Variants in GRM7 observed in about 807,000 individuals in gnomAD.
The protein encoded by GRM7 is metabotropic glutamate receptor 7.
Under a neutral mutation model 84.5 loss-of-function variants are expected in GRM7, and 35 were observed. That is an observed-to-expected ratio of 0.41 (90% CI 0.32 to 0.55). The LOEUF is 0.55. GRM7 is among the 20% of genes least tolerant of loss of function. GRM7 has a pLI of 0.19. For synonymous variants in GRM7, 487 were observed against 455.1 expected, an observed-to-expected ratio of 1.07 and a Z score of -0.89; for missense variants, 1,003 against 1,194.6, an observed-to-expected ratio of 0.84 and a Z score of 2.36.
chr3:7,038,146 A>G (rs1403453781), intron 1 of GRM7, among the ~76,000 whole-genome samples: 1 of 152,204 alleles, frequency 6.6e-6, no homozygotes, highest in African/African-American at 2.4e-5. Flanking sequence ...CTCCAACCTC[A>G]GCGACAAAGC....
chr3:7,278,848 A>G (rs1269364350), intron 2 of GRM7, among the ~76,000 whole-genome samples: 1 of 152,218 alleles, frequency 6.6e-6, no homozygotes, highest in Non-Finnish European at 1.5e-5. Flanking sequence ...AAACTAAGTA[A>G]TTTGAAAGCA....
chr3:7,646,351 T>C (rs1698635991), intron 8 of GRM7, among the ~76,000 whole-genome samples: 1 of 151,954 alleles, frequency 6.6e-6, no homozygotes. Flanking sequence ...GCCACCACAC[T>C]CGGCTAATTT....
At position 7,229,745 on chromosome 3, in the gene GRM7, ATATATATATATATATTTTT is replaced by A. The variant is rs1559514613; in HGVS notation, c.737-68937_737-68919del. 1.6e-3 allele frequency among the ~76,000 whole-genome samples: 50 copies of A among 30,890 alleles called. 5 individuals are homozygous for A. The highest frequency in any genetic ancestry group is 9.5e-3 in the Admixed American group (21 of 2,222). The allele number at this position is 30,890 out of a possible 152,430, so 20.3% of individuals were successfully genotyped here. On this transcript the variant is annotated intron_variant, in intron 2 of 9. Coordinates refer to ENST00000357716, the MANE Select transcript of GRM7 (RefSeq NM_000844.4). ...CACACACATATATATATATATATAT[ATATATATATATATATTTTT>A]TTTTTTTTTTGGTTGACAGGTGTTG...
chr3:7,202,550 T>G (rs975369502), intron 2 of GRM7, among the ~76,000 whole-genome samples: 3 of 152,078 alleles, frequency 2.0e-5, no homozygotes, highest in African/African-American at 7.2e-5. Flanking sequence ...GGGCTGGTCT[T>G]GAACTCCTGA....
chr3:6,906,927 T>C (rs1696599011), intron 1 of GRM7, among the ~76,000 whole-genome samples: 1 of 152,208 alleles, frequency 6.6e-6, no homozygotes, highest in Non-Finnish European at 1.5e-5. Context: ...CTGATGAATT[T>C]GGACATATGC....
intron 1 of GRM7, among the ~76,000 whole-genome samples, chr3:6,881,921 T>G (rs1014159487): frequency 1.4e-4 from 20 of 144,704 alleles, no homozygotes; most frequent in African/African-American, 5.1e-4. Flanking sequence ...GGCAATTGAA[T>G]TGTGTGTGTG....
intron 7 of GRM7, chr3:7,560,133 T>C (rs1330315654): frequency 1.3e-5 from 2 of 152,048 alleles, no homozygotes; most frequent in African/African-American, 4.8e-5. Context: ...TTTCAGATAA[T>C]TGTGAGACAC....
At chr3:6,898,209 A>G (rs866706399) in intron 1 of GRM7, among the ~76,000 whole-genome samples, 6 of 152,172 alleles carry the variant, frequency 3.9e-5, no homozygotes, top group South Asian at 2.1e-4. Context: ...TGTGATGGCC[A>G]TTACAGAAAC....
intron 4 of GRM7, 152 bp from the exon 5 acceptor site, chr3:7,414,871 T>C (rs712773): frequency 0.29 from 162,201 of 551,596 alleles, 26,124 homozygotes; most frequent in South Asian, 0.45. Context: ...TAGAATATTT[T>C]TCCTCCTTCT....
intron 2 of GRM7, among the ~76,000 whole-genome samples, chr3:7,292,619 T>C (rs1033953401): frequency 3.3e-5 from 5 of 152,058 alleles, no homozygotes; most frequent in African/African-American, 9.7e-5. Context: ...ATGAATATTA[T>C]CTCTGTGAAA....
intron 1 of GRM7, among the ~76,000 whole-genome samples, chr3:6,952,844 T>G (rs1692845626): frequency 1.3e-5 from 2 of 152,248 alleles, no homozygotes; most frequent in Admixed American, 1.3e-4. Context: ...CTTTCTTTCC[T>G]ATATTAGTTT....
intron 1 of GRM7, among the ~76,000 whole-genome samples, chr3:6,881,181 G>C (rs1486357501): frequency 1.3e-5 from 2 of 151,954 alleles, no homozygotes; most frequent in African/African-American, 4.8e-5. Flanking sequence ...GGATGTGCAG[G>C]TTTGTTACAT....
intron 7 of GRM7, among the ~76,000 whole-genome samples, chr3:7,546,651 T>A (rs1246873034): frequency 6.6e-6 from 1 of 152,178 alleles, no homozygotes; most frequent in African/African-American, 2.4e-5. Flanking sequence ...TAACACTGAC[T>A]TTGAATTAGT....
chr3:7,414,708 A>G (rs1486122523), intron 4 of GRM7, among the ~76,000 whole-genome samples: 2 of 152,100 alleles, frequency 1.3e-5, no homozygotes, highest in African/African-American at 4.8e-5. Flanking sequence ...TCAGGAGCTG[A>G]CATGGTTAGG....
chr3:7,399,664 G>A (rs1262331599), intron 4 of GRM7, among the ~76,000 whole-genome samples: 2 of 152,072 alleles, frequency 1.3e-5, no homozygotes, highest in Non-Finnish European at 1.5e-5. Flanking sequence ...TGGCTAGGTG[G>A]CATCCTTACT....
rs116086307 is a variant in GRM7, at chr3:7,591,073, T to A, written c.2451+11716T>A. Among the ~76,000 whole-genome samples the A allele has an allele frequency of 1.4e-3, 220 of 152,244 alleles. 1 individual carries two copies. The highest frequency in any genetic ancestry group is 4.8e-3 in the African/African-American group (199 of 41,542). On this transcript the variant is annotated intron_variant, in intron 8 of 9. Transcript: ENST00000357716. ...AGTATGATACAGTTTCTACCCTCAA[T>A]ATATTGTTTAGAGAGAGCCATGTAC... is the stretch of plus-strand genomic sequence containing the variant.
chr3:7,215,053 C>A (rs1295702309), intron 2 of GRM7, among the ~76,000 whole-genome samples: 1 of 152,144 alleles, frequency 6.6e-6, no homozygotes, highest in South Asian at 2.1e-4. Context: ...GAAAAAGCGA[C>A]CTCTACAACA....
chr3:7,230,478 G>A (rs1697158223), intron 2 of GRM7, among the ~76,000 whole-genome samples: 1 of 152,150 alleles, frequency 6.6e-6, no homozygotes, highest in Admixed American at 6.5e-5. Flanking sequence ...GCCCATAACT[G>A]TTTCTTAGTG....
At chr3:7,445,967 G>T (rs1429884666) in intron 5 of GRM7, among the ~76,000 whole-genome samples, 3 of 151,252 alleles carry the variant, frequency 2.0e-5, no homozygotes, top group African/African-American at 7.3e-5. Context: ...GAATATAGCA[G>T]TTTGTCACAA....
Sources: allele counts gnomAD v4.1 joint callset (sites outside exome capture counted in the v4.1 genomes callset), GRCh38; gene constraint gnomAD v4.1.1; transcripts MANE v1.5; gene names NCBI Gene and HGNC (gene_info 2026-07-23, HGNC 2026-07-21).